TANGO6: variants seen among roughly 807,000 people sequenced by gnomAD.
The protein encoded by TANGO6 is transport and Golgi organization protein 6 homolog.
Under a neutral mutation model 114.2 loss-of-function variants are expected in TANGO6, and 90 were observed. The ratio of observed to expected loss-of-function variants is 0.79; its 90% CI spans 0.66 to 0.94. TANGO6 has a LOEUF of 0.94. Ranked by LOEUF, TANGO6 falls within the 40% of genes least tolerant of loss-of-function variation. The pLI, the probability that TANGO6 is intolerant of heterozygous loss-of-function variation, is 0.00. For synonymous variants in TANGO6, 477 were observed against 509.8 expected, an observed-to-expected ratio of 0.94 and a Z score of 0.87; for missense variants, 1,274 against 1,315.3, an observed-to-expected ratio of 0.97 and a Z score of 0.49.
intron 7 of TANGO6, 62 bp downstream of exon 7, chr16:68,880,692 T>C: frequency 7.5e-7 from 1 of 1,340,278 alleles, no homozygotes. Context: ...TTTTAAATTT[T>C]TTCTTTTTTT....
At chr16:68,973,948 A>G in intron 14 of TANGO6, 80 bp from the exon 15 acceptor site, 1 of 1,484,388 alleles carries the variant, frequency 6.7e-7, no homozygotes, top group Non-Finnish European at 9.2e-7. Flanking sequence ...CTCTGCGTTC[A>G]TCCCATCACA....
At chr16:68,904,522 C>T (rs916147964) in intron 9 of TANGO6, among the ~76,000 whole-genome samples, 2 of 152,154 alleles carry the variant, frequency 1.3e-5, no homozygotes, top group Non-Finnish European at 2.9e-5. Flanking sequence ...TGAACTGGCA[C>T]ATTGAGACAT....
intron 16 of TANGO6, among the ~76,000 whole-genome samples, chr16:69,032,875 CA>C (rs11300295): frequency 0.64 from 78,827 of 124,012 alleles, 24,913 homozygotes; most frequent in African/African-American, 0.87. Flanking sequence ...GACTCCATCT[CA>C]AAAAAAAAAA....
chr16:69,014,894 T>TAA (rs1959261665), intron 15 of TANGO6, among the ~76,000 whole-genome samples: 3 of 128,278 alleles, frequency 2.3e-5, no homozygotes, highest in African/African-American at 9.1e-5. Context: ...AGACCTTGTC[T>TAA]CAAAAAAAAA....
intron 5 of TANGO6, among the ~76,000 whole-genome samples, chr16:68,875,863 G>A (rs954240764): frequency 7.9e-5 from 12 of 151,686 alleles, no homozygotes; most frequent in Admixed American, 2.6e-4. Flanking sequence ...CATCTTGTTC[G>A]TTATCTTTTC....
chr16:68,850,646 T>C (rs966240612), intron 1 of TANGO6, among the ~76,000 whole-genome samples: 42 of 152,230 alleles, frequency 2.8e-4, no homozygotes, highest in African/African-American at 1.0e-3. Context: ...AAGGACCAGA[T>C]AGTAAATATT....
intron 14 of TANGO6, among the ~76,000 whole-genome samples, chr16:68,944,605 A>G (rs1009836109): frequency 1.3e-5 from 2 of 152,158 alleles, no homozygotes; most frequent in Non-Finnish European, 2.9e-5. Context: ...AGTGCCATCC[A>G]GGAGACTCAC....
intron 15 of TANGO6, among the ~76,000 whole-genome samples, chr16:68,983,353 T>G (rs1963859211): frequency 6.6e-6 from 1 of 152,196 alleles, no homozygotes; most frequent in Non-Finnish European, 1.5e-5. Context: ...ATGCTCAAAA[T>G]TCTTTATCTT....
intron 11 of TANGO6, among the ~76,000 whole-genome samples, chr16:68,916,158 TA>T (rs1963001553): frequency 6.6e-6 from 1 of 152,014 alleles, no homozygotes; most frequent in African/African-American, 2.4e-5. Flanking sequence ...ATTTAATACT[TA>T]AAAAAAGACT....
At chr16:68,879,360 G>A (rs1035153618) in intron 6 of TANGO6, among the ~76,000 whole-genome samples, 2 of 151,868 alleles carry the variant, frequency 1.3e-5, no homozygotes, top group South Asian at 2.1e-4. Flanking sequence ...GTGCACGCCT[G>A]TATTCCCAGC....
intron 7 of TANGO6, among the ~76,000 whole-genome samples, chr16:68,880,861 C>G (rs1229731460): frequency 6.6e-6 from 1 of 151,930 alleles, no homozygotes; most frequent in Non-Finnish European, 1.5e-5. Flanking sequence ...AGCACTTGAA[C>G]CGTTGGAATG....
intron 14 of TANGO6, among the ~76,000 whole-genome samples, chr16:68,946,028 T>A (rs1236301346): frequency 6.6e-6 from 1 of 151,768 alleles, no homozygotes; most frequent in African/African-American, 2.4e-5. Context: ...TATCATTGAG[T>A]TATAACAGTT....
chr16:69,012,425 G>T (rs983965228), intron 15 of TANGO6, among the ~76,000 whole-genome samples: 1 of 151,648 alleles, frequency 6.6e-6, no homozygotes, highest in Non-Finnish European at 1.5e-5. Flanking sequence ...GCATGGTGGC[G>T]CATGCCTGTA....
At chr16:69,060,291 T>C (rs1377703970) in intron 17 of TANGO6, among the ~76,000 whole-genome samples, 3 of 152,158 alleles carry the variant, frequency 2.0e-5, no homozygotes, top group African/African-American at 7.2e-5. Context: ...GTTCTAGGAC[T>C]ACAGGTGTGA....
chr16:68,856,894 G>C (rs547752200), intron 1 of TANGO6, among the ~76,000 whole-genome samples: 2 of 152,302 alleles, frequency 1.3e-5, no homozygotes, highest in South Asian at 4.1e-4. Flanking sequence ...CGGATCACGA[G>C]GTCAGGAGAT....
chr16:68,845,945 C>G (rs774263464), intron 1 of TANGO6, among the ~76,000 whole-genome samples: 1 of 152,070 alleles, frequency 6.6e-6, no homozygotes, highest in Non-Finnish European at 1.5e-5. Context: ...CCCCACCTCC[C>G]GGGTTCGAGC....
At chr16:69,036,380 T>C (rs548698974) in intron 16 of TANGO6, among the ~76,000 whole-genome samples, 12 of 152,300 alleles carry the variant, frequency 7.9e-5, no homozygotes, top group Admixed American at 7.8e-4. Flanking sequence ...CGTAAGACCA[T>C]ATTAAAATTC....
chr16:68,851,615 C>T (rs1961903849), intron 1 of TANGO6, among the ~76,000 whole-genome samples: 3 of 152,162 alleles, frequency 2.0e-5, no homozygotes, highest in Admixed American at 2.0e-4. Context: ...TTAAGAAGTA[C>T]TGCAATGAAT....
chr16:68,932,620 A>G (rs1477387296), intron 14 of TANGO6, among the ~76,000 whole-genome samples: 1 of 151,852 alleles, frequency 6.6e-6, no homozygotes, highest in Non-Finnish European at 1.5e-5. Context: ...CCTGATCTCT[A>G]CAAAAAAACA....
Sources: gnomAD v4.1 joint callset for allele counts (sites outside exome capture counted in the v4.1 genomes callset) on GRCh38, gnomAD v4.1.1 for gene constraint, MANE v1.5 for transcripts, NCBI Gene and HGNC (gene_info 2026-07-23, HGNC 2026-07-21) for gene names.